The following ZNF451 variants were observed in gnomAD, a reference collection of about 807,000 sequenced individuals.
The protein encoded by ZNF451 is E3 SUMO-protein ligase ZNF451.
In ZNF451, 80 loss-of-function variants were observed where a neutral mutation model predicts 107.1. The ratio of observed to expected loss-of-function variants is 0.75; its 90% CI spans 0.62 to 0.90. The LOEUF (loss-of-function observed/expected upper bound fraction) is 0.90. ZNF451 is among the 40% of genes least tolerant of loss of function. The probability of loss-of-function intolerance (pLI) is 0.00; values close to 1 mark genes in which losing one functional copy is unlikely to be tolerated. For missense variants in ZNF451, 1,107 were observed against 1,236.2 expected, an observed-to-expected ratio of 0.90 and a Z score of 1.57; for synonymous variants, 362 against 406.5, an observed-to-expected ratio of 0.89 and a Z score of 1.32.
intron 3 of ZNF451, among the ~76,000 whole-genome samples, chr6:57,114,589 A>C (rs535042282): frequency 6.6e-6 from 1 of 152,268 alleles, no homozygotes; most frequent in South Asian, 2.1e-4. Context: ...ACATATAGGG[A>C]CAAAAATCTG....
At chr6:57,154,423 G>T in intron 13 of ZNF451, 1 of 344,138 alleles carries the variant, frequency 2.9e-6, no homozygotes, top group South Asian at 6.3e-5. Context: ...TGCGCTTAGA[G>T]GTGAAAACCA....
chr6:57,109,664 T>A, intron 3 of ZNF451: 1 of 984,432 alleles, frequency 1.0e-6, no homozygotes. Context: ...TTTAAGGCTG[T>A]CTTACAAGCC....
Position 57,141,941 on chromosome 6 carries a change from C to A in ZNF451, c.857-7C>A. ...CTTTGCAAATTATAGTTTATTTTGT[C>A]TTTCAGATAACAAAGGAATTGCACA... On this transcript the variant is annotated splice_polypyrimidine_tract_variant and splice_region_variant and intron_variant, in intron 8 of 14. Coordinates refer to ENST00000370706, the MANE Select transcript of ZNF451 (RefSeq NM_001031623.3). The A allele has an allele frequency of 6.2e-7, 1 of 1,611,414 alleles. No homozygotes were observed. Among genetic ancestry groups the A allele is most frequent in the South Asian group, 1.1e-5 (1 of 90,922 alleles).
chr6:57,148,747 T>A, intron 10 of ZNF451, 54 bp downstream of exon 10: 1 of 1,480,396 alleles, frequency 6.8e-7, no homozygotes, highest in East Asian at 2.3e-5. Flanking sequence ...AAACTTACAA[T>A]GTACCCACCT....
At chr6:57,157,794 C>T (rs1224617844) in intron 13 of ZNF451, among the ~76,000 whole-genome samples, 8 of 152,046 alleles carry the variant, frequency 5.3e-5, no homozygotes, top group Admixed American at 5.2e-4. Context: ...TTCCCAAATA[C>T]TTCATTATTC....
intron 12 of ZNF451, 29 bp downstream of exon 12, chr6:57,152,380 T>C (rs770620285): frequency 5.6e-6 from 9 of 1,612,360 alleles, no homozygotes; most frequent in Non-Finnish European, 5.9e-6. Context: ...CAAAATCTAA[T>C]GTGAATCTCA....
intron 3 of ZNF451, chr6:57,100,679 C>T (rs759813620): frequency 6.5e-7 from 1 of 1,550,190 alleles, no homozygotes; most frequent in Non-Finnish European, 8.7e-7. Context: ...GTTCCTCTTC[C>T]CATTGGAGAT....
chr6:57,168,322 C>T lies in ZNF451; in HGVS notation c.3140-101C>T, dbSNP rs1044124659. 8.1e-5 allele frequency: 65 copies of T among 799,192 alleles called. 1 individual carries two copies. The South Asian group carries it at 1.2e-3, about 15-fold the overall frequency. 49.5% of individuals were successfully genotyped at this position (799,192 alleles called of 1,614,324 possible). On this transcript the variant is annotated intron_variant, in intron 14 of 14. Coordinates refer to ENST00000370706, the MANE Select transcript of ZNF451 (RefSeq NM_001031623.3). ...CCTGTGTTTTTCCATTTTGATTTTA[C>T]TTTCCTTCTTGAAAAGAATACAGTC...
chr6:57,167,553 C>T (rs1183282607), intron 14 of ZNF451, among the ~76,000 whole-genome samples: 1 of 152,078 alleles, frequency 6.6e-6, no homozygotes, highest in Non-Finnish European at 1.5e-5. Context: ...GTTTATTGTA[C>T]TTTAAATTAG....
rs1460922217 is a variant in ZNF451 at position 57,133,022 on chromosome 6, T to C, written c.425-20T>C. The C allele has an allele frequency of 9.3e-6, 15 of 1,613,670 alleles. No individual in the cohort carries two copies. Among genetic ancestry groups the C allele is most frequent in the Non-Finnish European group, 1.3e-5 (15 of 1,179,738 alleles). ...AGTATCTGAAATAATAACCTAAGAATTCATATTCTGATGATGCAGGACTCA... is the reference window on the plus strand; with the variant it reads ...AGTATCTGAAATAATAACCTAAGAACTCATATTCTGATGATGCAGGACTCA... On this transcript the variant is annotated intron_variant, in intron 5 of 14. Transcript: ENST00000370706.
intron 13 of ZNF451, among the ~76,000 whole-genome samples, chr6:57,157,322 G>T (rs949810957): frequency 6.6e-6 from 1 of 152,086 alleles, no homozygotes; most frequent in East Asian, 1.9e-4. Context: ...ATTAGTCTTT[G>T]CTAATTTCTC....
Position 57,152,289 on chromosome 6 carries a change from T to A in ZNF451, c.2821T>A (p.Phe941Ile). Residue 941 changes from phenylalanine (F) to isoleucine (I), a missense_variant, in exon 12 of 15, where the codon TTC (phenylalanine) becomes ATC (isoleucine). Physicochemically the swap from Phe to Ile is conservative, Grantham distance 21. Around this residue, in one of 5 missense-constraint regions of ZNF451, gnomAD observed 151 missense variants for 173.3 expected, o/e 0.87. Transcript: ENST00000370706. ...IYNYLNRIGC[F>I]FLHPRCSKRK... ...TAACTACCTGAACAGGATTGGATGC[T>A]TCTTCCTTCATCCTCGCTGTAGTAA... is the stretch of plus-strand genomic sequence containing the variant. The A allele has an allele frequency of 6.2e-7, 1 of 1,614,100 alleles. No individual in the cohort carries two copies. Among genetic ancestry groups the A allele is most frequent in the Non-Finnish European group, 8.5e-7 (1 of 1,179,972 alleles).
intron 13 of ZNF451, among the ~76,000 whole-genome samples, chr6:57,155,612 C>T (rs1311121504): frequency 6.6e-6 from 1 of 152,166 alleles, no homozygotes; most frequent in Non-Finnish European, 1.5e-5. Flanking sequence ...CTTTCCTTCT[C>T]TTATGCTTCT....
chr6:57,138,723 ATATATATATATATATATATG>A (rs1435680247), intron 7 of ZNF451, among the ~76,000 whole-genome samples: 3 of 117,042 alleles, frequency 2.6e-5, no homozygotes, highest in African/African-American at 9.6e-5. Flanking sequence ...ATATATATAT[ATATATATATATATATATATG>A]TGTGTGTGTG....
At chr6:57,153,539 GT>G (rs1169342680) in intron 12 of ZNF451, among the ~76,000 whole-genome samples, 2 of 151,868 alleles carry the variant, frequency 1.3e-5, no homozygotes, top group Admixed American at 6.6e-5. Flanking sequence ...AGAATCCCGA[GT>G]AGTTGGGATT....
At chr6:57,100,919 G>T (rs890292999) in intron 3 of ZNF451, 12 of 1,550,634 alleles carry the variant, frequency 7.7e-6, no homozygotes, top group African/African-American at 6.8e-5. Context: ...GAGAATTTAC[G>T]TATAGATTCT....
chr6:57,111,371 GTTTT>G (rs372422404), intron 3 of ZNF451, among the ~76,000 whole-genome samples: 1 of 133,322 alleles, frequency 7.5e-6, no homozygotes, highest in Admixed American at 7.5e-5. Context: ...GGGTTTTTTT[GTTTT>G]TTTTTTTTTG....
At chr6:57,122,127 A>C (rs1206773559) in intron 3 of ZNF451, among the ~76,000 whole-genome samples, 1 of 150,160 alleles carries the variant, frequency 6.7e-6, no homozygotes, top group Non-Finnish European at 1.5e-5. Context: ...AAAAATAAAC[A>C]ATCGAGAAAG....
At chr6:57,114,599 G>C (rs1218560533) in intron 3 of ZNF451, among the ~76,000 whole-genome samples, 1 of 152,082 alleles carries the variant, frequency 6.6e-6, no homozygotes, top group Admixed American at 6.6e-5. Context: ...ACAAAAATCT[G>C]AGAAAAGTTA....
Sources: gnomAD v4.1 joint callset for allele counts (sites outside exome capture counted in the v4.1 genomes callset) on GRCh38, gnomAD v4.1.1 for gene constraint, gnomAD v4.1.1 regional missense constraint, MANE v1.5 for transcripts, NCBI Gene and HGNC (gene_info 2026-07-23, HGNC 2026-07-21) for gene names.